Variants in ABCA1 observed in about 807,000 individuals in gnomAD.
ABCA1 encodes the protein phospholipid-transporting ATPase ABCA1.
ABCA1 carries 133 observed loss-of-function variants against 262.5 expected under a neutral mutation model. The ratio of observed to expected loss-of-function variants is 0.51; its 90% confidence interval spans 0.44 to 0.59. ABCA1 has a LOEUF of 0.59. ABCA1 is among the 20% of genes least tolerant of loss of function. The pLI, the probability that ABCA1 is intolerant of heterozygous loss-of-function variation, is 0.00. For missense variants in ABCA1, 2,452 were observed against 2,777.5 expected (o/e 0.88, Z 2.63); for synonymous variants, 1,022 against 1,043.5 (o/e 0.98, Z 0.40).
intron 3 of ABCA1, among the ~76,000 whole-genome samples, chr9:104,885,791 C>A (rs1839121082): frequency 6.6e-6 from 1 of 152,102 alleles, no homozygotes; most frequent in Admixed American, 6.5e-5. Flanking sequence ...GACAGAAAGG[C>A]CAGAGCTCCT....
intron 46 of ABCA1, 163 bp downstream of exon 46, chr9:104,787,757 G>T: frequency 1.1e-6 from 1 of 892,584 alleles, no homozygotes; most frequent in Non-Finnish European, 1.3e-6. Flanking sequence ...CCACCCCAGT[G>T]TGTGCCAAGG....
At chr9:104,861,887 T>C in intron 5 of ABCA1, 87 bp from the exon 6 acceptor site, 1 of 1,214,118 alleles carries the variant, frequency 8.2e-7, no homozygotes, top group Non-Finnish European at 1.2e-6. Context: ...GGAGAAACGT[T>C]ATCATAATAT....
intron 39 of ABCA1, among the ~76,000 whole-genome samples, chr9:104,794,770 A>G (rs947854166): frequency 6.6e-6 from 1 of 152,362 alleles, no homozygotes. Context: ...TAATGAATAA[A>G]GCTTAGAAAC....
chr9:104,912,118 T>A (rs1841535507), intron 1 of ABCA1, among the ~76,000 whole-genome samples: 1 of 152,244 alleles, frequency 6.6e-6, no homozygotes, highest in South Asian at 2.1e-4. Context: ...TGCTAATAGC[T>A]AATTTTCAAA....
At position 104,821,072 on chromosome 9, in the gene ABCA1, G is replaced by A. The variant is rs1832294331; in HGVS notation, c.2960+303C>T. On this transcript the variant is annotated intron_variant, in intron 20 of 49. Transcript: ENST00000374736. ...ATCCTGGCCAACATGGTGAAACCCC[G>A]TCTCTACTAAAAACACAAAAATTAG... is the stretch of plus-strand genomic sequence containing the variant. 4.6e-5 allele frequency among the ~76,000 whole-genome samples: 7 copies of A among 152,062 alleles called. No homozygotes were observed. The South Asian group carries it at 1.5e-3, about 32-fold the overall frequency.
chr9:104,818,764 G>A lies in ABCA1; in HGVS notation c.3361C>T (p.Gln1121Ter). ...CVGSSLFLKN[Q>*]LGTGYYLTLV... ...GTCAGGTAGTAGCCTGTTCCCAGCTGGTTCTTCAGAAACAGGGAGGAGCCC... is the reference window on the plus strand; with the variant it reads ...GTCAGGTAGTAGCCTGTTCCCAGCTAGTTCTTCAGAAACAGGGAGGAGCCC... The change falls in exon 23 of 50, where the codon CAG becomes TAG. Residue 1121 changes from glutamine (Q) to a stop codon, truncating the protein, a stop_gained. Coordinates refer to ENST00000374736, the MANE Select transcript of ABCA1 (RefSeq NM_005502.4). LOFTEE classifies it high-confidence loss of function. 6.2e-7 allele frequency: 1 copy of A among 1,613,988 alleles called. No individual in the cohort carries two copies. Among genetic ancestry groups the A allele is most frequent in the Non-Finnish European group, 8.5e-7 (1 of 1,180,028 alleles).
Position 104,801,605 on chromosome 9 carries a change from G to C in ABCA1, c.4698+449C>G, listed in dbSNP as rs367565569. 2.0e-5 allele frequency among the ~76,000 whole-genome samples: 3 copies of C among 150,936 alleles called. No individual in the cohort carries two copies. The South Asian group carries it at 6.3e-4, about 32-fold the overall frequency. The stretch of plus-strand genomic sequence containing the variant: ...TGCCCAGGCTGGAGTGCAACGGTGC[G>C]ATCTTGGCTCACTACAACCTCTTCC... On this transcript the variant is annotated intron_variant, in intron 34 of 49. Coordinates refer to ENST00000374736, the MANE Select transcript of ABCA1 (RefSeq NM_005502.4).
Position 104,865,515 on chromosome 9 carries a change from C to CAAAAAAAAAAAAA in ABCA1, c.422-3728_422-3716dup, listed in dbSNP as rs925876847. ...TGGGTGACAGAGCGAGACTCTGTCT[C>CAAAAAAAAAAAAA]AAAAAAAAAAAAAAAAAGAATTTAA... is the stretch of plus-strand genomic sequence containing the variant. On this transcript the variant is annotated intron_variant, in intron 5 of 49. Coordinates refer to ENST00000374736, the MANE Select transcript of ABCA1 (RefSeq NM_005502.4). 1.5e-4 allele frequency among the ~76,000 whole-genome samples: 10 copies of CAAAAAAAAAAAAA among 66,974 alleles called. 1 individual carries two copies. Among genetic ancestry groups the CAAAAAAAAAAAAA allele is most frequent in the African/African-American group, 4.8e-4 (9 of 18,704 alleles). The allele number at this position is 66,974 out of a possible 152,430, so 43.9% of individuals were successfully genotyped here.
intron 3 of ABCA1, among the ~76,000 whole-genome samples, chr9:104,886,239 T>C (rs1839161980): frequency 6.6e-6 from 1 of 152,152 alleles, no homozygotes; most frequent in African/African-American, 2.4e-5. Flanking sequence ...GTGGGAACCT[T>C]GTTTTATTCA....
At chr9:104,918,384 T>C (rs1265359639) in intron 1 of ABCA1, among the ~76,000 whole-genome samples, 2 of 152,198 alleles carry the variant, frequency 1.3e-5, no homozygotes, top group Non-Finnish European at 2.9e-5. Context: ...ATGTGTCTTA[T>C]AATCCAGGAC....
chr9:104,918,043 G>C (rs1188391320), intron 1 of ABCA1, among the ~76,000 whole-genome samples: 2 of 152,040 alleles, frequency 1.3e-5, no homozygotes, highest in Non-Finnish European at 2.9e-5. Context: ...AACTTGAGTG[G>C]GCTGAAATGC....
At chr9:104,883,515 A>G (rs1242043365) in intron 4 of ABCA1, among the ~76,000 whole-genome samples, 3 of 152,250 alleles carry the variant, frequency 2.0e-5, no homozygotes, top group Admixed American at 6.5e-5. Context: ...GGATACTCTT[A>G]AGGGCATATT....
At chr9:104,827,643 T>C (rs1200016403) in intron 15 of ABCA1, among the ~76,000 whole-genome samples, 1 of 152,208 alleles carries the variant, frequency 6.6e-6, no homozygotes, top group Non-Finnish European at 1.5e-5. Context: ...TGTGGATATT[T>C]TGAGCCTATC....
chr9:104,836,241 C>T (rs561499342), intron 11 of ABCA1, among the ~76,000 whole-genome samples: 9 of 152,300 alleles, frequency 5.9e-5, no homozygotes, highest in South Asian at 2.1e-4. Context: ...ACCCAGCCGC[C>T]CTTAAAGTCA....
intron 40 of ABCA1, 67 bp downstream of exon 40, chr9:104,794,320 C>G (rs760682215): frequency 6.0e-5 from 97 of 1,610,942 alleles, no homozygotes; most frequent in Non-Finnish European, 7.5e-5. Context: ...AAACAAAGTT[C>G]AGGGTACCAA....
At chr9:104,843,964 G>T (rs1368752548) in intron 8 of ABCA1, among the ~76,000 whole-genome samples, 1 of 151,156 alleles carries the variant, frequency 6.6e-6, no homozygotes, top group African/African-American at 2.4e-5. Flanking sequence ...TGTTCACTTG[G>T]AGAGTTTCCA....
intron 1 of ABCA1, among the ~76,000 whole-genome samples, chr9:104,914,974 T>C (rs1386060358): frequency 3.3e-5 from 5 of 152,174 alleles, no homozygotes; most frequent in Non-Finnish European, 7.3e-5. Flanking sequence ...AAACATGCCA[T>C]CAAGCAAGGG....
intron 7 of ABCA1, among the ~76,000 whole-genome samples, chr9:104,851,620 T>C (rs1835387259): frequency 1.3e-5 from 2 of 152,196 alleles, no homozygotes; most frequent in South Asian, 4.1e-4. Context: ...CTGGAAAGAC[T>C]GCAGTAGGAG....
intron 5 of ABCA1, among the ~76,000 whole-genome samples, chr9:104,882,432 T>C (rs1444407790): frequency 6.6e-6 from 1 of 152,238 alleles, no homozygotes; most frequent in Non-Finnish European, 1.5e-5. Context: ...GCTCTGATGC[T>C]ATGGCAGCCA....
Sources: gnomAD v4.1 joint callset for allele counts (sites outside exome capture counted in the v4.1 genomes callset) on GRCh38, gnomAD v4.1.1 for gene constraint, MANE v1.5 for transcripts, NCBI Gene and HGNC (gene_info 2026-07-23, HGNC 2026-07-21) for gene names.